The following NDUFB3 variants were observed in gnomAD, a reference collection of about 807,000 sequenced individuals.
NDUFB3 encodes the protein NADH dehydrogenase [ubiquinone] 1 beta subcomplex subunit 3.
NDUFB3 carries 7 observed loss-of-function variants against 9.0 expected under a neutral mutation model. The observed-to-expected ratio is 0.78, with a 90% CI of 0.44 to 1.46. NDUFB3 has a LOEUF of 1.46. Among genes scored for constraint, NDUFB3 ranks in the 40% most tolerant of loss-of-function variants. NDUFB3 has a pLI of 0.01. For synonymous variants in NDUFB3, 29 were observed against 38.5 expected, an observed-to-expected ratio of 0.75 and a Z score of 0.91; for missense variants, 93 against 115.4, an observed-to-expected ratio of 0.81 and a Z score of 0.89.
intron 2 of NDUFB3, among the ~76,000 whole-genome samples, chr2:201,081,602 T>G (rs926327832): frequency 5.3e-5 from 8 of 151,456 alleles, no homozygotes; most frequent in African/African-American, 2.0e-4. Flanking sequence ...CGTACAGGTC[T>G]TGCACATATT....
chr2:201,084,313 T>G (rs2047264927), intron 2 of NDUFB3, among the ~76,000 whole-genome samples: 1 of 150,892 alleles, frequency 6.6e-6, no homozygotes, highest in Non-Finnish European at 1.5e-5. Flanking sequence ...ATACAAAAAT[T>G]AGTCAGACAT....
intron 1 of NDUFB3, among the ~76,000 whole-genome samples, chr2:201,074,148 T>G (rs2047132820): frequency 6.6e-6 from 1 of 152,098 alleles, no homozygotes; most frequent in African/African-American, 2.4e-5. Flanking sequence ...AGACGGGATT[T>G]TGCCATGTTG....
rs1328563523 is a variant in NDUFB3, at chr2:201,085,529, T to C, written c.211T>C (p.Phe71Leu). Residue 71 changes from phenylalanine to leucine, a missense_variant, in exon 3 of 3, where the codon TTC (phenylalanine) becomes CTC (leucine). By Grantham distance (22) the Phe-to-Leu change is conservative (BLOSUM62 0). Coordinates refer to ENST00000237889, the MANE Select transcript of NDUFB3 (RefSeq NM_002491.3). ...CTTTTCTGATGTATTCTTTAAAGGA[T>C]TCAAATGGGGATTTGCTGCATTTGT... ...VSFSDVFFKGFKWGFAAFVVA... is the reference protein window; with the variant it reads ...VSFSDVFFKGLKWGFAAFVVA... 4 of 1,612,782 alleles carry C rather than the reference T, an allele frequency of 2.5e-6. No individual in the cohort carries two copies. The highest frequency in any genetic ancestry group is 3.4e-6 in the Non-Finnish European group (4 of 1,179,152).
At chr2:201,075,273 A>G (rs146460429) in intron 1 of NDUFB3, among the ~76,000 whole-genome samples, 16 of 152,020 alleles carry the variant, frequency 1.1e-4, no homozygotes, top group Non-Finnish European at 2.4e-4. Flanking sequence ...AGTCATTTAT[A>G]TGTTATATTT....
chr2:201,079,049 G>A (rs754809738), intron 2 of NDUFB3, 27 bp downstream of exon 2: 5 of 1,594,078 alleles, frequency 3.1e-6, no homozygotes, highest in Non-Finnish European at 4.3e-6. Flanking sequence ...AATTTAGATA[G>A]AATGTATCCT....
chr2:201,084,657 TTTG>T (rs2047268321), intron 2 of NDUFB3, among the ~76,000 whole-genome samples: 1 of 152,138 alleles, frequency 6.6e-6, no homozygotes, highest in Non-Finnish European at 1.5e-5. Context: ...AAAAAGAATA[TTTG>T]CATCTATGTT....
At chr2:201,077,872 A>G (rs2047181438) in intron 1 of NDUFB3, among the ~76,000 whole-genome samples, 1 of 152,252 alleles carries the variant, frequency 6.6e-6, no homozygotes, top group East Asian at 1.9e-4. Flanking sequence ...CCTTTCATGT[A>G]ATCATATGTA....
At chr2:201,081,256 G>A (rs1022248405) in intron 2 of NDUFB3, among the ~76,000 whole-genome samples, 3 of 151,834 alleles carry the variant, frequency 2.0e-5, no homozygotes, top group Non-Finnish European at 4.4e-5. Flanking sequence ...GGCCGAGGCG[G>A]GTGGATCACT....
rs750401775 is a variant in NDUFB3, at chr2:201,078,894, A to G, written c.12A>G (p.Glu4=). Residue 4 remains glutamate, a synonymous_variant, in exon 2 of 3, where the codon GAA becomes GAG. Transcript: ENST00000237889. Reference sequence around the variant, plus strand: ...TTTTCCTTACAGACATGGCCCATGAACATGGACATGAGCATGGACATCATA... The same window carrying G: ...TTTTCCTTACAGACATGGCCCATGAGCATGGACATGAGCATGGACATCATA... MAH[E]HGHEHGHHKM... The G allele has an allele frequency of 7.5e-6, 12 of 1,610,000 alleles. No homozygotes were observed. The highest frequency in any genetic ancestry group is 1.0e-5 in the Non-Finnish European group (12 of 1,179,172).
At chr2:201,083,506 C>CTGT (rs2047255756) in intron 2 of NDUFB3, among the ~76,000 whole-genome samples, 9 of 151,964 alleles carry the variant, frequency 5.9e-5, no homozygotes, top group African/African-American at 2.2e-4. Flanking sequence ...AGGCATGTGC[C>CTGT]ACCACACCCG....
intron 2 of NDUFB3, among the ~76,000 whole-genome samples, chr2:201,084,193 G>C (rs2047263847): frequency 6.6e-6 from 1 of 152,094 alleles, no homozygotes; most frequent in Non-Finnish European, 1.5e-5. Context: ...GGGAGGCTGA[G>C]GCAGGAGAAT....
At chr2:201,078,144 T>A (rs1158870704) in intron 1 of NDUFB3, among the ~76,000 whole-genome samples, 1 of 151,960 alleles carries the variant, frequency 6.6e-6, no homozygotes. Context: ...CCACTAAAAT[T>A]ACAAAAAATT....
At chr2:201,076,501 AT>A (rs2047164237) in intron 1 of NDUFB3, among the ~76,000 whole-genome samples, 1 of 146,202 alleles carries the variant, frequency 6.8e-6, no homozygotes, top group African/African-American at 2.5e-5. Flanking sequence ...ATATATATAT[AT>A]ATATATATAT....
chr2:201,079,955 T>C (rs1053081473), intron 2 of NDUFB3: 1 of 152,158 alleles, frequency 6.6e-6, no homozygotes, highest in African/African-American at 2.4e-5. Flanking sequence ...TTTCTCACAG[T>C]GTGGCTTATC....
chr2:201,075,727 T>C (rs1345879851), intron 1 of NDUFB3, among the ~76,000 whole-genome samples: 2 of 152,290 alleles, frequency 1.3e-5, no homozygotes, highest in East Asian at 3.8e-4. Context: ...CAAAGATTTA[T>C]CTTTCAAATT....
At chr2:201,079,051 A>AT in intron 2 of NDUFB3, 29 bp downstream of exon 2, 1 of 1,593,300 alleles carries the variant, frequency 6.3e-7, no homozygotes, top group African/African-American at 1.4e-5. Context: ...TTTAGATAGA[A>AT]TGTATCCTAG....
intron 1 of NDUFB3, among the ~76,000 whole-genome samples, chr2:201,077,313 C>A (rs568212989): frequency 6.6e-6 from 1 of 152,186 alleles, no homozygotes; most frequent in South Asian, 2.1e-4. Flanking sequence ...TATAGTGTTA[C>A]TAAGCCATAC....
intron 1 of NDUFB3, among the ~76,000 whole-genome samples, chr2:201,075,288 G>T (rs569607957): frequency 6.6e-6 from 1 of 151,618 alleles, no homozygotes; most frequent in Non-Finnish European, 1.5e-5. Flanking sequence ...ATATTTAGCC[G>T]GGCACCGTGG....
intron 2 of NDUFB3, among the ~76,000 whole-genome samples, chr2:201,082,749 C>G (rs1013857101): frequency 4.9e-5 from 7 of 143,698 alleles, no homozygotes; most frequent in African/African-American, 1.3e-4. Flanking sequence ...CTCTGTCGCC[C>G]AGGCCGGACT....
Sources: allele counts gnomAD v4.1 joint callset (sites outside exome capture counted in the v4.1 genomes callset), GRCh38; gene constraint gnomAD v4.1.1; transcripts MANE v1.5; gene names NCBI Gene and HGNC (gene_info 2026-07-23, HGNC 2026-07-21).